The following SAMD4A variants were observed in gnomAD, a reference collection of about 807,000 sequenced individuals.
SAMD4A encodes the protein protein Smaug homolog 1.
A neutral mutation model predicts 81.3 loss-of-function variants in SAMD4A; 33 were observed. The observed-to-expected ratio is 0.41, with a 90% CI of 0.31 to 0.54. The LOEUF (loss-of-function observed/expected upper bound fraction) is 0.54, where lower values mean the gene tolerates loss of function less well. Ranked by LOEUF, SAMD4A falls within the 20% of genes least tolerant of loss-of-function variation. The probability of loss-of-function intolerance (pLI) is 0.37; values close to 1 mark genes in which losing one functional copy is unlikely to be tolerated. For missense variants in SAMD4A, 854 were observed against 951.1 expected (o/e 0.90, Z 1.34); for synonymous variants, 389 against 382.1 (o/e 1.02, Z -0.21).
At position 54,629,958 on chromosome 14, in the gene SAMD4A, A is replaced by G. The variant is rs187666035; in HGVS notation, c.196+61846A>G. 4.1e-3 allele frequency among the ~76,000 whole-genome samples: 630 copies of G among 152,242 alleles called. 3 individuals are homozygous for G. The highest frequency in any genetic ancestry group is 0.013 in the African/African-American group (546 of 41,546). On this transcript the variant is annotated intron_variant, in intron 2 of 12. Coordinates refer to ENST00000554335, the MANE Select transcript of SAMD4A (RefSeq NM_015589.6). ...TATCCCTTTGTGTCTGGTTTATTTC[A>G]TTAGCATAATGTCCTCAAGCATCAT... is the stretch of plus-strand genomic sequence containing the variant.
chr14:54,656,615 G>T (rs1227002159), intron 2 of SAMD4A, among the ~76,000 whole-genome samples: 1 of 152,022 alleles, frequency 6.6e-6, no homozygotes, highest in African/African-American at 2.4e-5. Flanking sequence ...TCTGAAACTA[G>T]TTTTTTTGTT....
chr14:54,688,155 C>T, intron 2 of SAMD4A: 1 of 985,432 alleles, frequency 1.0e-6, no homozygotes, highest in Non-Finnish European at 1.2e-6. Context: ...AGCAGCTGTG[C>T]CCTCACCCCT....
At chr14:54,574,178 A>C (rs1482585333) in intron 2 of SAMD4A, among the ~76,000 whole-genome samples, 1 of 152,224 alleles carries the variant, frequency 6.6e-6, no homozygotes, top group Admixed American at 6.5e-5. Context: ...ACTCCTCTCA[A>C]GTAGCTTACA....
rs533674221 is a variant in SAMD4A at position 54,609,066 on chromosome 14, A to G, written c.196+40954A>G. On this transcript the variant is annotated intron_variant, in intron 2 of 12. Transcript: ENST00000554335. ...GAGATGTGTATGTCCTAATCTCCAG[A>G]ACCTGTGAAAATGTTATGTTACATG... 3.6e-4 allele frequency among the ~76,000 whole-genome samples: 55 copies of G among 152,372 alleles called. 1 individual carries two copies. In the South Asian group the frequency reaches 7.0e-3, roughly 20 times the overall value.
intron 2 of SAMD4A, among the ~76,000 whole-genome samples, chr14:54,673,519 G>C (rs2035929454): frequency 6.6e-6 from 1 of 152,228 alleles, no homozygotes; most frequent in Admixed American, 6.5e-5. Context: ...GCTGCTTTTA[G>C]CACTGGAAAT....
chr14:54,737,178 C>A lies in SAMD4A; in HGVS notation c.870C>A (p.Pro290=), dbSNP rs753778654. 6.2e-7 allele frequency: 1 copy of A among 1,613,986 alleles called. No homozygotes were observed. Among genetic ancestry groups the A allele is most frequent in the African/African-American group, 1.3e-5 (1 of 74,884 alleles). Residue 290 remains proline, a synonymous_variant, in exon 4 of 13, where the codon CCC becomes CCA. Coordinates refer to ENST00000554335, the MANE Select transcript of SAMD4A (RefSeq NM_015589.6). ...GPQCLPSDHA[P]LSPQSSVASS... is the part of the protein sequence containing the mutation. ...AGTGCCTCCCATCCGATCATGCCCC[C>A]CTGTCTCCACAAAGCAGTGTAGCCT...
intron 2 of SAMD4A, among the ~76,000 whole-genome samples, chr14:54,678,431 ATTTG>A (rs2036039626): frequency 1.3e-5 from 1 of 77,358 alleles, no homozygotes; most frequent in African/African-American, 5.0e-5. Context: ...GGCAGTCACC[ATTTG>A]TGTGTGTGTG....
At chr14:54,629,279 G>A (rs1233631388) in intron 2 of SAMD4A, among the ~76,000 whole-genome samples, 5 of 152,200 alleles carry the variant, frequency 3.3e-5, no homozygotes, top group Non-Finnish European at 2.9e-5. Flanking sequence ...GTCTCAGGGA[G>A]AGCATGGCCC....
intron 2 of SAMD4A, among the ~76,000 whole-genome samples, chr14:54,660,683 T>G (rs1441633790): frequency 6.6e-6 from 1 of 151,466 alleles, no homozygotes; most frequent in African/African-American, 2.4e-5. Context: ...CTTGAAAGTT[T>G]AAAAAAAAAG....
At chr14:54,781,664 C>T (rs753952323) in intron 11 of SAMD4A, among the ~76,000 whole-genome samples, 1 of 152,170 alleles carries the variant, frequency 6.6e-6, no homozygotes, top group Non-Finnish European at 1.5e-5. Context: ...TCTGTGGCCA[C>T]GAGGGGCAGG....
intron 2 of SAMD4A, among the ~76,000 whole-genome samples, chr14:54,661,751 A>C (rs2035646873): frequency 6.6e-6 from 1 of 152,174 alleles, no homozygotes; most frequent in Non-Finnish European, 1.5e-5. Context: ...GACTTGCCCC[A>C]AACCCATCCC....
intron 4 of SAMD4A, among the ~76,000 whole-genome samples, chr14:54,746,193 T>G (rs2037963658): frequency 6.6e-6 from 1 of 152,186 alleles, no homozygotes; most frequent in Admixed American, 6.5e-5. Flanking sequence ...GGGTGAAAGG[T>G]TAGTAGGCTA....
At chr14:54,653,588 C>T (rs751660046) in intron 2 of SAMD4A, among the ~76,000 whole-genome samples, 2 of 152,012 alleles carry the variant, frequency 1.3e-5, no homozygotes, top group Non-Finnish European at 2.9e-5. Flanking sequence ...GATCCACCCA[C>T]CTTGACCTCC....
At chr14:54,723,999 T>TGGAAGGAAGGAAGGAAGGAAGAA (rs1352946376) in intron 3 of SAMD4A, among the ~76,000 whole-genome samples, 1 of 52,994 alleles carries the variant, frequency 1.9e-5, no homozygotes, top group Non-Finnish European at 4.7e-5. Context: ...ATTGGATGGA[T>TGGAAGGAAGGAAGGAAGGAAGAA]GGATGGATGG....
chr14:54,762,271 CAT>C (rs1322751954), intron 7 of SAMD4A, among the ~76,000 whole-genome samples: 1 of 152,168 alleles, frequency 6.6e-6, no homozygotes, highest in African/African-American at 2.4e-5. Flanking sequence ...TATTTTTTAA[CAT>C]GTGGCAATGC....
chr14:54,608,205 G>C (rs1002193143), intron 2 of SAMD4A, among the ~76,000 whole-genome samples: 1 of 152,010 alleles, frequency 6.6e-6, no homozygotes, highest in African/African-American at 2.4e-5. Context: ...TTTTGGACTT[G>C]AATTTCCTAC....
chr14:54,635,515 C>T (rs756119769), intron 2 of SAMD4A, among the ~76,000 whole-genome samples: 21 of 151,236 alleles, frequency 1.4e-4, no homozygotes, highest in Admixed American at 3.9e-4. Context: ...TTTGGGAGGC[C>T]GAGGTGGGCA....
chr14:54,629,244 G>A (rs1370184709), intron 2 of SAMD4A, among the ~76,000 whole-genome samples: 1 of 152,194 alleles, frequency 6.6e-6, no homozygotes, highest in Non-Finnish European at 1.5e-5. Context: ...AAGCTTGGAA[G>A]AGGCAACGAC....
chr14:54,580,728 G>A (rs186183911), intron 2 of SAMD4A, among the ~76,000 whole-genome samples: 1 of 152,322 alleles, frequency 6.6e-6, no homozygotes, highest in East Asian at 1.9e-4. Context: ...CCTTTGTATA[G>A]CACTAGTCTC....
Sources: allele counts gnomAD v4.1 joint callset (sites outside exome capture counted in the v4.1 genomes callset), GRCh38; gene constraint gnomAD v4.1.1; transcripts MANE v1.5; gene names NCBI Gene and HGNC (gene_info 2026-07-23, HGNC 2026-07-21).